Variants in MYO6 observed in about 807,000 individuals in gnomAD.
MYO6 encodes the protein unconventional myosin-VI.
Under a neutral mutation model 178.7 loss-of-function variants are expected in MYO6, and 74 were observed. That is an observed-to-expected ratio of 0.41 (90% CI 0.34 to 0.50). The LOEUF (loss-of-function observed/expected upper bound fraction) is 0.50, where lower values mean the gene tolerates loss of function less well. MYO6 is among the 20% of genes least tolerant of loss of function. The pLI is 0.09. For missense variants in MYO6, 1,330 were observed against 1,547.4 expected (o/e 0.86, Z 2.36); for synonymous variants, 477 against 504.6 (o/e 0.95, Z 0.73).
At chr6:75,892,055 G>A (rs1378616675) in intron 27 of MYO6, among the ~76,000 whole-genome samples, 3 of 152,098 alleles carry the variant, frequency 2.0e-5, no homozygotes, top group Non-Finnish European at 2.9e-5. Context: ...GTAGATACTG[G>A]AATTAATAAA....
chr6:75,822,713 A>G, intron 2 of MYO6, 69 bp from the exon 3 acceptor site: 1 of 1,232,636 alleles, frequency 8.1e-7, no homozygotes, highest in Non-Finnish European at 1.2e-6. Context: ...TATGCAACCA[A>G]TTAAGCCCTT....
At chr6:75,828,504 T>TC in intron 3 of MYO6, 36 bp from the exon 4 acceptor site, 1 of 1,211,778 alleles carries the variant, frequency 8.3e-7, no homozygotes, top group African/African-American at 1.5e-5. Context: ...TTTGTTTTCT[T>TC]CAATTCTCTA....
rs1777886380 is a variant in MYO6, at chr6:75,879,970, T to A, written c.2208+20T>A. On this transcript the variant is annotated intron_variant, in intron 21 of 34. Coordinates refer to ENST00000369977, the MANE Select transcript of MYO6 (RefSeq NM_004999.4). ...TGTAAGGTATAAATGCCACCCAAATTGAAATTTCTTAGCTATGAACTTGTC... is the reference window on the plus strand; with the variant it reads ...TGTAAGGTATAAATGCCACCCAAATAGAAATTTCTTAGCTATGAACTTGTC... 1.9e-6 allele frequency: 3 copies of A among 1,614,086 alleles called. No homozygotes were observed. The highest frequency in any genetic ancestry group is 2.5e-6 in the Non-Finnish European group (3 of 1,179,942).
intron 32 of MYO6, among the ~76,000 whole-genome samples, chr6:75,909,263 C>CT (rs1780583350): frequency 2.0e-5 from 3 of 152,148 alleles, no homozygotes; most frequent in African/African-American, 7.2e-5. Context: ...ATATTGTTAT[C>CT]TTTTTTATTT....
At chr6:75,908,138 G>C (rs1780481467) in intron 31 of MYO6, among the ~76,000 whole-genome samples, 2 of 152,104 alleles carry the variant, frequency 1.3e-5, no homozygotes, top group Admixed American at 1.3e-4. Flanking sequence ...TGTCTTGCTT[G>C]TAAATCTAGT....
intron 11 of MYO6, among the ~76,000 whole-genome samples, chr6:75,852,458 A>G (rs761958688): frequency 6.6e-6 from 1 of 151,988 alleles, no homozygotes; most frequent in Non-Finnish European, 1.5e-5. Context: ...GATTTAGAAC[A>G]TTTTCATCAC....
At chr6:75,853,964 A>T (rs1004387598) in intron 11 of MYO6, among the ~76,000 whole-genome samples, 4 of 152,198 alleles carry the variant, frequency 2.6e-5, no homozygotes, top group African/African-American at 9.6e-5. Flanking sequence ...TGGACGAAGA[A>T]ACTGTGCACA....
intron 32 of MYO6, among the ~76,000 whole-genome samples, chr6:75,911,348 C>T (rs1780742833): frequency 6.6e-6 from 1 of 151,840 alleles, no homozygotes; most frequent in South Asian, 2.1e-4. Context: ...ATGAAAGGTA[C>T]TATAATGTCT....
intron 28 of MYO6, among the ~76,000 whole-genome samples, chr6:75,893,269 T>G (rs1779047585): frequency 6.6e-6 from 1 of 151,992 alleles, no homozygotes; most frequent in South Asian, 2.1e-4. Flanking sequence ...GTGGAGTGTA[T>G]AGGAATGTGG....
intron 18 of MYO6, chr6:75,867,614 A>C (rs536915108): frequency 2.3e-3 from 349 of 154,578 alleles, no homozygotes; most frequent in Non-Finnish European, 3.7e-3. Flanking sequence ...TTTGTAATTC[A>C]TTTTCAATGT....
intron 1 of MYO6, among the ~76,000 whole-genome samples, chr6:75,762,595 G>T (rs759990417): frequency 6.6e-6 from 1 of 152,124 alleles, no homozygotes; most frequent in Non-Finnish European, 1.5e-5. Context: ...GTGCATCTAT[G>T]CCCCACTCTC....
intron 20 of MYO6, 41 bp from the exon 21 acceptor site, chr6:75,879,779 A>G (rs1777869949): frequency 1.2e-6 from 2 of 1,613,968 alleles, no homozygotes; most frequent in Non-Finnish European, 1.7e-6. Context: ...TGGACTTCCG[A>G]ACAGTGATTG....
chr6:75,824,839 A>C (rs1288151624), intron 3 of MYO6, among the ~76,000 whole-genome samples: 1 of 150,740 alleles, frequency 6.6e-6, no homozygotes, highest in South Asian at 2.1e-4. Context: ...AGCTCACTGC[A>C]ACCTTCGCCT....
intron 1 of MYO6, among the ~76,000 whole-genome samples, chr6:75,756,254 A>G (rs1444690188): frequency 6.6e-6 from 1 of 152,132 alleles, no homozygotes; most frequent in Non-Finnish European, 1.5e-5. Context: ...CAAGCAAGCA[A>G]AAAACAAATG....
chr6:75,896,350 A>G (rs1779301098), intron 29 of MYO6, among the ~76,000 whole-genome samples: 1 of 152,272 alleles, frequency 6.6e-6, no homozygotes, highest in Non-Finnish European at 1.5e-5. Context: ...AGTAGAAGAC[A>G]TGATAAGCGA....
chr6:75,809,742 A>G (rs1181684164), intron 1 of MYO6, among the ~76,000 whole-genome samples: 16 of 151,978 alleles, frequency 1.1e-4, no homozygotes, highest in Admixed American at 1.0e-3. Flanking sequence ...ACTGGAAGTC[A>G]GTAGAAAGAA....
intron 3 of MYO6, 54 bp downstream of exon 3, chr6:75,822,905 TA>T: frequency 7.2e-7 from 1 of 1,382,082 alleles, no homozygotes; most frequent in Non-Finnish European, 1.0e-6. Flanking sequence ...ACTGTTCTTT[TA>T]AAAAAATAAA....
intron 1 of MYO6, among the ~76,000 whole-genome samples, chr6:75,766,033 A>G (rs957959364): frequency 2.0e-5 from 3 of 152,198 alleles, no homozygotes; most frequent in Non-Finnish European, 4.4e-5. Context: ...GTCTCAAAGA[A>G]AAAAGCAGGC....
At chr6:75,828,712 T>A in intron 4 of MYO6, 99 bp downstream of exon 4, 1 of 829,552 alleles carries the variant, frequency 1.2e-6, no homozygotes, top group Non-Finnish European at 2.1e-6. Flanking sequence ...CAGAAAATCA[T>A]GCTTGATCTG....
Sources: gnomAD v4.1 joint callset for allele counts (sites outside exome capture counted in the v4.1 genomes callset) on GRCh38, gnomAD v4.1.1 for gene constraint, MANE v1.5 for transcripts, NCBI Gene and HGNC (gene_info 2026-07-23, HGNC 2026-07-21) for gene names.